The following TMEM207 variants were observed in gnomAD, a reference collection of about 807,000 sequenced individuals.
The protein encoded by TMEM207 is SRSR846.
Under a neutral mutation model 17.4 loss-of-function variants are expected in TMEM207, and 15 were observed. The observed-to-expected ratio is 0.86, with a 90% confidence interval of 0.58 to 1.33. The LOEUF is 1.33. Among genes scored for constraint, TMEM207 ranks in the 40% most tolerant of loss-of-function variants. The pLI is 0.00. For missense variants in TMEM207, 205 were observed against 173.8 expected (o/e 1.18, Z -1.01); for synonymous variants, 70 against 65.6 (o/e 1.07, Z -0.33).
At chr3:190,430,219 A>G (rs1719662590) in intron 4 of TMEM207, among the ~76,000 whole-genome samples, 1 of 152,158 alleles carries the variant, frequency 6.6e-6, no homozygotes, top group African/African-American at 2.4e-5. Flanking sequence ...TGATGAAAGC[A>G]CGCATTTAAA....
intron 2 of TMEM207, among the ~76,000 whole-genome samples, chr3:190,446,065 C>A (rs1460725582): frequency 6.6e-6 from 1 of 152,154 alleles, no homozygotes; most frequent in Non-Finnish European, 1.5e-5. Context: ...GGACAAGCTA[C>A]TGTCCTTTTG....
In TMEM207 at chr3:190,431,673, T is replaced by C. The variant is rs183710108; in HGVS notation, c.305-1942A>G. Among the ~76,000 whole-genome samples the C allele has an allele frequency of 7.4e-4, 112 of 152,226 alleles. 1 individual carries two copies. The highest frequency in any genetic ancestry group is 2.6e-3 in the African/African-American group (107 of 41,562). On this transcript the variant is annotated intron_variant, in intron 4 of 4. Coordinates refer to ENST00000354905, the MANE Select transcript of TMEM207 (RefSeq NM_207316.3). Reference sequence around the variant, plus strand: ...TTTTCTTGGTGAACTGCCCCTAGTGTATTCAGTACAAAGTCAAAGGTAACT... The same window carrying C: ...TTTTCTTGGTGAACTGCCCCTAGTGCATTCAGTACAAAGTCAAAGGTAACT...
chr3:190,438,033 G>A (rs568197216), intron 4 of TMEM207, among the ~76,000 whole-genome samples: 29 of 145,562 alleles, frequency 2.0e-4, no homozygotes, highest in Admixed American at 2.0e-3. Context: ...TCACTCATAG[G>A]TGGGAATTGA....
At chr3:190,433,660 C>T (rs1719739132) in intron 4 of TMEM207, among the ~76,000 whole-genome samples, 1 of 152,074 alleles carries the variant, frequency 6.6e-6, no homozygotes, top group African/African-American at 2.4e-5. Context: ...GTCTGTGGCT[C>T]AATGTGTGTT....
intron 2 of TMEM207, among the ~76,000 whole-genome samples, chr3:190,442,969 A>C (rs558594617): frequency 3.0e-4 from 46 of 152,314 alleles, no homozygotes; most frequent in African/African-American, 1.1e-3. Flanking sequence ...TGAAGATGGC[A>C]TTATGAAAAA....
intron 4 of TMEM207, among the ~76,000 whole-genome samples, chr3:190,434,519 A>G (rs549346050): frequency 1.1e-4 from 17 of 152,320 alleles, no homozygotes; most frequent in Non-Finnish European, 2.5e-4. Context: ...TGTAAGTCCA[A>G]TTAAACCTAT....
intron 2 of TMEM207, 115 bp downstream of exon 2, chr3:190,447,675 A>T (rs548009955): frequency 1.5e-4 from 146 of 996,274 alleles, no homozygotes; most frequent in Middle Eastern, 7.8e-4. Flanking sequence ...TTTTCTTCTG[A>T]TTATAATGAT....
rs183726192 is a variant in TMEM207 at position 190,437,090 on chromosome 3, G to C, written c.304+3154C>G. Among the ~76,000 whole-genome samples, 10 of 152,332 alleles carry C rather than the reference G, an allele frequency of 6.6e-5. No homozygotes were observed. In the East Asian group the frequency reaches 1.9e-3, roughly 29 times the overall value. On this transcript the variant is annotated intron_variant, in intron 4 of 4. Transcript: ENST00000354905. The stretch of plus-strand genomic sequence containing the variant: ...TAGAGAGATTTGCAGTGCAACTCAG[G>C]ATGGAAGAGTTTAAATGTTTCTTGA...
intron 4 of TMEM207, among the ~76,000 whole-genome samples, chr3:190,438,584 C>T (rs1417505984): frequency 1.3e-5 from 2 of 152,042 alleles, no homozygotes; most frequent in Admixed American, 6.5e-5. Flanking sequence ...AAAATTAAAA[C>T]GAAAATTCTT....
Position 190,429,721 on chromosome 3 carries a change from T to C in TMEM207, c.315A>G (p.Ala105=), listed in dbSNP as rs146723136. The change falls in exon 5 of 5, where the codon GCA becomes GCG. Residue 105 remains alanine (A), a synonymous_variant. Coordinates refer to ENST00000354905, the MANE Select transcript of TMEM207 (RefSeq NM_207316.3). ...GDLDSIYGTE[A]AVSPTVGIHL... ...GAATTCCAACAGTTGGACTCACAGC[T>C]GCTTCTGTCCCTGGAAAGAGAAAGA... The C allele has an allele frequency of 5.1e-4, 819 of 1,606,550 alleles. 3 individuals are homozygous for C. Among genetic ancestry groups the C allele is most frequent in the African/African-American group, 8.3e-4 (62 of 74,600 alleles).
intron 2 of TMEM207, among the ~76,000 whole-genome samples, chr3:190,444,716 C>A (rs1001121891): frequency 6.6e-5 from 10 of 152,130 alleles, no homozygotes; most frequent in African/African-American, 2.4e-4. Context: ...AACAGCATTA[C>A]TCACCAGATG....
At chr3:190,448,305 C>G (rs993014745) in intron 1 of TMEM207, among the ~76,000 whole-genome samples, 15 of 152,008 alleles carry the variant, frequency 9.9e-5, no homozygotes, top group African/African-American at 3.6e-4. Context: ...GAAAGGGCGA[C>G]TTTAACCTGC....
intron 4 of TMEM207, 31 bp from the exon 5 acceptor site, chr3:190,429,762 T>C (rs1482731237): frequency 6.4e-6 from 10 of 1,558,534 alleles, no homozygotes; most frequent in African/African-American, 5.5e-5. Context: ...ACTTGTAATC[T>C]TTCTAGTGAG....
At chr3:190,441,153 G>A (rs970176805) in intron 3 of TMEM207, among the ~76,000 whole-genome samples, 5 of 152,194 alleles carry the variant, frequency 3.3e-5, no homozygotes, top group Non-Finnish European at 7.3e-5. Flanking sequence ...ACTAATATCA[G>A]TGGAGGGTCA....
intron 4 of TMEM207, among the ~76,000 whole-genome samples, chr3:190,431,141 G>T (rs921136490): frequency 2.0e-5 from 3 of 152,048 alleles, no homozygotes; most frequent in African/African-American, 7.2e-5. Flanking sequence ...CTCACCTTCT[G>T]GTTTAGCACT....
At chr3:190,441,567 C>T in intron 2 of TMEM207, 85 bp from the exon 3 acceptor site, 1 of 1,085,112 alleles carries the variant, frequency 9.2e-7, no homozygotes. Flanking sequence ...GTACTGATCA[C>T]ACTTGTTTCT....
At chr3:190,436,532 T>C (rs1560106603) in intron 4 of TMEM207, among the ~76,000 whole-genome samples, 1 of 152,222 alleles carries the variant, frequency 6.6e-6, no homozygotes, top group African/African-American at 2.4e-5. Context: ...GCACATACTC[T>C]GTGGGAGCTG....
chr3:190,442,615 T>G (rs1719958977), intron 2 of TMEM207, among the ~76,000 whole-genome samples: 2 of 152,228 alleles, frequency 1.3e-5, no homozygotes, highest in Admixed American at 6.5e-5. Flanking sequence ...TGTTTTCTGT[T>G]TATTTGCTCT....
chr3:190,440,406 C>A lies in TMEM207; in HGVS notation c.159-17G>T. The stretch of plus-strand genomic sequence containing the variant: ...AGGAGGATCCTGACTCCAAAAGTAA[C>A]CGAGAAAAGAATGAGGTAGAGTATG... On this transcript the variant is annotated splice_polypyrimidine_tract_variant and intron_variant, in intron 3 of 4. Transcript: ENST00000354905. 6.2e-7 allele frequency: 1 copy of A among 1,602,600 alleles called. No individual in the cohort carries two copies. The highest frequency in any genetic ancestry group is 1.1e-5 in the South Asian group (1 of 89,686).
Sources: allele counts gnomAD v4.1 joint callset (sites outside exome capture counted in the v4.1 genomes callset), GRCh38; gene constraint gnomAD v4.1.1; transcripts MANE v1.5; gene names NCBI Gene and HGNC (gene_info 2026-07-23, HGNC 2026-07-21).